Variants in NUDCD3 observed in about 807,000 individuals in gnomAD.
The protein encoded by NUDCD3 is nudC domain-containing protein 3.
Under a neutral mutation model 39.7 loss-of-function variants are expected in NUDCD3, and 13 were observed. The ratio of observed to expected loss-of-function variants is 0.33; its 90% CI spans 0.21 to 0.52. The LOEUF (loss-of-function observed/expected upper bound fraction) is 0.52. Ranked by LOEUF, NUDCD3 falls within the 20% of genes least tolerant of loss-of-function variation. The pLI, the probability that NUDCD3 is intolerant of heterozygous loss-of-function variation, is 0.96. For synonymous variants in NUDCD3, 175 were observed against 172.4 expected, an observed-to-expected ratio of 1.02 and a Z score of -0.12; for missense variants, 453 against 458.1, an observed-to-expected ratio of 0.99 and a Z score of 0.10.
Position 44,440,496 on chromosome 7 carries a change from G to GAA in NUDCD3, c.510-12795_510-12794dup, listed in dbSNP as rs72065068. The stretch of plus-strand genomic sequence containing the variant: ...AACTAGTGAGAAAACCAGAAAAATT[G>GAA]AAAAAAAAAAAAAAAAAAAAGCCTG... On this transcript the variant is annotated intron_variant, in intron 2 of 5. Transcript: ENST00000355451. 2.9e-3 allele frequency among the ~76,000 whole-genome samples: 139 copies of GAA among 48,380 alleles called. 3 individuals carry two copies. The highest frequency in any genetic ancestry group is 5.1e-3 in the Admixed American group (20 of 3,930). 31.7% of individuals were successfully genotyped at this position (48,380 alleles called of 152,430 possible). A position where few individuals can be genotyped will look rare whatever the true frequency, so the allele number is the denominator to read the frequency against.
rs563760673 is a variant in NUDCD3, at chr7:44,426,180, G to A, written c.642+1391C>T. 4,394 of 985,086 alleles carry A rather than the reference G, an allele frequency of 4.5e-3. 12 individuals are homozygous for A. Among genetic ancestry groups the A allele is most frequent in the Non-Finnish European group, 4.8e-3 (3,978 of 829,644 alleles). The allele number at this position is 985,086 out of a possible 1,614,324, so 61.0% of individuals were successfully genotyped here. ...TGATGTAGTTTAAAGGGGGGTGACC[G>A]GGTGTTTGTAGCTGAAGAAAAATAA... On this transcript the variant is annotated intron_variant, in intron 3 of 5. Coordinates refer to ENST00000355451, the MANE Select transcript of NUDCD3 (RefSeq NM_015332.4).
intron 2 of NUDCD3, among the ~76,000 whole-genome samples, chr7:44,447,161 C>T (rs192003676): frequency 7.2e-5 from 11 of 152,328 alleles, no homozygotes; most frequent in Non-Finnish European, 1.3e-4. Context: ...TATCTGTTAA[C>T]GCACTTATTG....
intron 4 of NUDCD3, among the ~76,000 whole-genome samples, chr7:44,401,222 A>C (rs1321184769): frequency 6.6e-6 from 1 of 152,216 alleles, no homozygotes. Flanking sequence ...TCCACACAGC[A>C]GACGTGATGC....
chr7:44,399,793 G>A (rs907882322), intron 4 of NUDCD3, among the ~76,000 whole-genome samples: 1 of 152,126 alleles, frequency 6.6e-6, no homozygotes, highest in African/African-American at 2.4e-5. Context: ...CTAAATTGAG[G>A]GGAGGAGGTG....
At position 44,490,472 on chromosome 7, in the gene NUDCD3, C is replaced by A; in HGVS notation, c.129G>T (p.Leu43Phe). ...CCATGCGGTCCGATGGGTGGCGCAG[C>A]AAGCGATAGAAGTCTGTCTTGCGGT... is the stretch of plus-strand genomic sequence containing the variant. The part of the protein sequence containing the change: ...FLYRKTDFYR[L>F]LRHPSDRMGF... Residue 43 changes from leucine to phenylalanine, a missense_variant, in exon 1 of 6, where the codon TTG becomes TTT. Leu to Phe is a conservative substitution (Grantham distance 22, BLOSUM62 0). Transcript: ENST00000355451. 6.2e-7 allele frequency: 1 copy of A among 1,605,076 alleles called. No individual in the cohort carries two copies. Among genetic ancestry groups the A allele is most frequent in the South Asian group, 1.1e-5 (1 of 89,752 alleles).
At chr7:44,479,021 C>T (rs1800436332) in intron 2 of NUDCD3, among the ~76,000 whole-genome samples, 1 of 152,190 alleles carries the variant, frequency 6.6e-6, no homozygotes, top group South Asian at 2.1e-4. Flanking sequence ...GAAGTAAACA[C>T]ATCCTTCTTC....
chr7:44,435,035 A>G (rs1364619228), intron 2 of NUDCD3, among the ~76,000 whole-genome samples: 1 of 151,970 alleles, frequency 6.6e-6, no homozygotes, highest in Admixed American at 6.6e-5. Context: ...TGATTCTTGA[A>G]CCCTCTGAGA....
At chr7:44,466,881 C>T (rs968140363) in intron 2 of NUDCD3, among the ~76,000 whole-genome samples, 5 of 152,176 alleles carry the variant, frequency 3.3e-5, no homozygotes, top group African/African-American at 4.8e-5. Flanking sequence ...AAAGCCCCAC[C>T]GGGTGAGGGA....
At chr7:44,449,694 G>A (rs1218740751) in intron 2 of NUDCD3, among the ~76,000 whole-genome samples, 6 of 152,088 alleles carry the variant, frequency 3.9e-5, no homozygotes, top group East Asian at 1.9e-4. Context: ...ACTTCAAGCC[G>A]TATCTTGCAT....
intron 4 of NUDCD3, 60 bp downstream of exon 4, chr7:44,404,380 G>A: frequency 2.6e-6 from 4 of 1,540,924 alleles, no homozygotes; most frequent in Non-Finnish European, 2.7e-6. Context: ...TGGTCAAAAG[G>A]GGCATCACTG....
intron 2 of NUDCD3, among the ~76,000 whole-genome samples, chr7:44,438,944 A>T (rs141982681): frequency 1.3e-5 from 2 of 152,282 alleles, no homozygotes; most frequent in East Asian, 3.9e-4. Flanking sequence ...TATCACATTC[A>T]TAGAAAAGGA....
chr7:44,379,490 T>G lies in NUDCD3; in HGVS notation c.*6521A>C, dbSNP rs989895002. 1 of 152,134 alleles carries G rather than the reference T, an allele frequency of 6.6e-6. No individual in the cohort carries two copies. Among genetic ancestry groups the G allele is most frequent in the Admixed American group, 6.6e-5 (1 of 15,260 alleles). The allele number at this position is 152,134 out of a possible 1,614,324, so 9.4% of individuals were successfully genotyped here. A position where few individuals can be genotyped will look rare whatever the true frequency, so the allele number is the denominator to read the frequency against. On this transcript the variant is annotated 3_prime_UTR_variant, in exon 6 of 6. Coordinates refer to ENST00000355451, the MANE Select transcript of NUDCD3 (RefSeq NM_015332.4). ...CAGGAGGCTGCTGACTGTCCAGGGC[T>G]TTGCTGAGTGCCTGGCTCTGCCAAT...
intron 1 of NUDCD3, among the ~76,000 whole-genome samples, chr7:44,486,724 C>T (rs777725104): frequency 6.6e-6 from 1 of 152,164 alleles, no homozygotes; most frequent in Non-Finnish European, 1.5e-5. Context: ...GCAACAAGAT[C>T]TCTCTCTCCT....
intron 2 of NUDCD3, among the ~76,000 whole-genome samples, chr7:44,465,494 C>T (rs983809627): frequency 1.3e-5 from 2 of 152,182 alleles, no homozygotes; most frequent in African/African-American, 4.8e-5. Flanking sequence ...GGACATTAAT[C>T]GTGGAGGCCA....
chr7:44,397,183 A>T (rs1025982557), intron 4 of NUDCD3, among the ~76,000 whole-genome samples: 1 of 152,212 alleles, frequency 6.6e-6, no homozygotes. Flanking sequence ...CACAGTGTGC[A>T]GCCCTGTATC....
At chr7:44,463,201 T>C (rs545310387) in intron 2 of NUDCD3, among the ~76,000 whole-genome samples, 30 of 152,074 alleles carry the variant, frequency 2.0e-4, no homozygotes, top group Admixed American at 9.8e-4. Flanking sequence ...CAAGGGACAA[T>C]GTGGTTAGGG....
intron 2 of NUDCD3, among the ~76,000 whole-genome samples, chr7:44,468,495 A>G (rs1209143612): frequency 6.6e-6 from 1 of 152,132 alleles, no homozygotes; most frequent in Non-Finnish European, 1.5e-5. Flanking sequence ...CTCTTATTCC[A>G]TAACATAATT....
chr7:44,409,182 A>G (rs1238258151), intron 3 of NUDCD3, among the ~76,000 whole-genome samples: 4 of 152,230 alleles, frequency 2.6e-5, no homozygotes, highest in East Asian at 1.9e-4. Flanking sequence ...GAAAAACCTA[A>G]GAAGGCCTTA....
intron 2 of NUDCD3, among the ~76,000 whole-genome samples, chr7:44,431,529 G>A (rs757938454): frequency 6.6e-6 from 1 of 152,152 alleles, no homozygotes; most frequent in Non-Finnish European, 1.5e-5. Flanking sequence ...GCCACCAGGA[G>A]TCACTGTCAT....
Sources: gnomAD v4.1 joint callset for allele counts (sites outside exome capture counted in the v4.1 genomes callset) on GRCh38, gnomAD v4.1.1 for gene constraint, MANE v1.5 for transcripts, NCBI Gene and HGNC (gene_info 2026-07-23, HGNC 2026-07-21) for gene names.